Variants in EPHA6 observed in about 807,000 individuals in gnomAD.
The protein encoded by EPHA6 is EPH receptor A6, also known as ephrin type-A receptor 6.
EPHA6 carries 50 observed loss-of-function variants against 112.0 expected under a neutral mutation model. That is an observed-to-expected ratio of 0.45 (90% CI 0.36 to 0.56). EPHA6 has a LOEUF of 0.56. Among genes scored for constraint, EPHA6 ranks in the 20% least tolerant of loss-of-function variants. The probability of loss-of-function intolerance (pLI) is 0.00; values close to 1 mark genes in which losing one functional copy is unlikely to be tolerated. For synonymous variants in EPHA6, 529 were observed against 490.7 expected (o/e 1.08, Z -1.03); for missense variants, 1,280 against 1,417.4 (o/e 0.90, Z 1.56).
At chr3:97,641,838 T>C (rs1324730631) in intron 14 of EPHA6, among the ~76,000 whole-genome samples, 1 of 151,988 alleles carries the variant, frequency 6.6e-6, no homozygotes, top group Non-Finnish European at 1.5e-5. Flanking sequence ...GAGATCAAAC[T>C]GCAAGGCGGC....
At chr3:96,929,046 T>G (rs940928473) in intron 2 of EPHA6, among the ~76,000 whole-genome samples, 8 of 152,148 alleles carry the variant, frequency 5.3e-5, no homozygotes, top group African/African-American at 7.2e-5. Flanking sequence ...AGACAACATA[T>G]CAATGGGTCT....
chr3:97,269,237 CTCTGT>C (rs548336858), intron 5 of EPHA6, among the ~76,000 whole-genome samples: 25 of 152,196 alleles, frequency 1.6e-4, no homozygotes, highest in African/African-American at 6.0e-4. Context: ...CTGTTTCTTC[CTCTGT>C]TCTTTCACTT....
intron 11 of EPHA6, among the ~76,000 whole-genome samples, chr3:97,546,676 A>G (rs1577727925): frequency 6.6e-6 from 1 of 152,154 alleles, no homozygotes; most frequent in East Asian, 1.9e-4. Flanking sequence ...ACTTGGTTCC[A>G]TTCTCCCCAT....
At chr3:96,998,969 G>C (rs187432632) in intron 3 of EPHA6, among the ~76,000 whole-genome samples, 9 of 151,696 alleles carry the variant, frequency 5.9e-5, no homozygotes, top group Non-Finnish European at 1.0e-4. Context: ...AGTTTTAGTT[G>C]TTAACTTTTT....
intron 2 of EPHA6, among the ~76,000 whole-genome samples, chr3:96,984,928 A>G (rs147870709): frequency 1.1e-3 from 172 of 152,302 alleles, no homozygotes; most frequent in African/African-American, 3.8e-3. Context: ...GAGTGACCCA[A>G]TTTTCCAGAT....
intron 5 of EPHA6, among the ~76,000 whole-genome samples, chr3:97,261,741 C>T (rs1157105479): frequency 6.6e-6 from 1 of 152,086 alleles, no homozygotes; most frequent in Admixed American, 6.6e-5. Flanking sequence ...GGGATAAAGT[C>T]ACAAAGCACT....
intron 1 of EPHA6, among the ~76,000 whole-genome samples, chr3:96,834,679 C>T (rs2107292869): frequency 6.6e-6 from 1 of 151,946 alleles, no homozygotes; most frequent in South Asian, 2.1e-4. Context: ...AAAGTTTGGT[C>T]AGTAAGGTAC....
At chr3:96,834,261 G>T (rs1290967254) in intron 1 of EPHA6, among the ~76,000 whole-genome samples, 1 of 151,950 alleles carries the variant, frequency 6.6e-6, no homozygotes, top group Non-Finnish European at 1.5e-5. Context: ...AGAAAAATGT[G>T]ATTCTCAATG....
At chr3:97,176,443 T>A (rs763636374) in intron 3 of EPHA6, among the ~76,000 whole-genome samples, 16 of 152,038 alleles carry the variant, frequency 1.1e-4, no homozygotes, top group South Asian at 8.3e-4. Flanking sequence ...CCTCCTTCTC[T>A]GCTCTTCAGA....
chr3:96,980,360 G>A (rs535771051), intron 2 of EPHA6, among the ~76,000 whole-genome samples: 3 of 152,144 alleles, frequency 2.0e-5, no homozygotes, highest in African/African-American at 4.8e-5. Context: ...TCAGATGGTT[G>A]TAGATGTGTG....
intron 11 of EPHA6, among the ~76,000 whole-genome samples, chr3:97,568,079 T>C (rs2093290576): frequency 6.6e-6 from 1 of 152,166 alleles, no homozygotes; most frequent in South Asian, 2.1e-4. Context: ...GATTGGTTAG[T>C]TTACGTATCA....
intron 5 of EPHA6, among the ~76,000 whole-genome samples, chr3:97,394,365 G>A (rs2086585568): frequency 6.6e-6 from 1 of 151,714 alleles, no homozygotes; most frequent in African/African-American, 2.4e-5. Context: ...GTCTAGGAAA[G>A]GAATTTTTGG....
At chr3:97,635,913 A>G (rs1323415772) in intron 13 of EPHA6, among the ~76,000 whole-genome samples, 2 of 152,116 alleles carry the variant, frequency 1.3e-5, no homozygotes, top group African/African-American at 4.8e-5. Flanking sequence ...TTCTCATCAT[A>G]TATGTAGGAG....
At chr3:97,033,769 A>G (rs2044972166) in intron 3 of EPHA6, among the ~76,000 whole-genome samples, 2 of 151,966 alleles carry the variant, frequency 1.3e-5, no homozygotes, top group South Asian at 4.1e-4. Context: ...TAGACCATGT[A>G]TTTGATAAGA....
chr3:97,604,524 T>C (rs2093665853), intron 12 of EPHA6, among the ~76,000 whole-genome samples: 1 of 151,714 alleles, frequency 6.6e-6, no homozygotes, highest in Admixed American at 6.6e-5. Context: ...TTTTGTGACA[T>C]AGTGTGCAAA....
Position 97,571,373 on chromosome 3 carries a change from T to TAA in EPHA6, c.2387-21227_2387-21226dup, listed in dbSNP as rs74488218. Among the ~76,000 whole-genome samples, 10 of 142,540 alleles carry TAA rather than the reference T, an allele frequency of 7.0e-5. No individual in the cohort carries two copies. The East Asian group carries it at 2.0e-3, about 29-fold the overall frequency. The allele number at this position is 142,540 out of a possible 152,430, so 93.5% of individuals were successfully genotyped here. The stretch of plus-strand genomic sequence containing the variant: ...GAAGATTCAGGAGAAAAACCCTCCT[T>TAA]AAAAAAAAAAAAAGTTTTAAAGTTA... On this transcript the variant is annotated intron_variant, in intron 11 of 17. Transcript: ENST00000389672.
At chr3:97,493,154 ATGTG>A (rs1391693870) in intron 10 of EPHA6, among the ~76,000 whole-genome samples, 3 of 151,940 alleles carry the variant, frequency 2.0e-5, no homozygotes, top group African/African-American at 7.3e-5. Flanking sequence ...ATGGATCTGT[ATGTG>A]TGTGTGTATG....
intron 2 of EPHA6, among the ~76,000 whole-genome samples, chr3:96,889,581 A>G (rs977726187): frequency 6.6e-6 from 1 of 152,186 alleles, no homozygotes; most frequent in Non-Finnish European, 1.5e-5. Context: ...AACCACCTCA[A>G]TGATTCAATT....
At chr3:97,727,801 A>C (rs148052935) in intron 15 of EPHA6, among the ~76,000 whole-genome samples, 12 of 152,206 alleles carry the variant, frequency 7.9e-5, no homozygotes, top group African/African-American at 2.9e-4. Flanking sequence ...AATTAAATAC[A>C]TACTAATTAC....
Sources: gnomAD v4.1 joint callset for allele counts (sites outside exome capture counted in the v4.1 genomes callset) on GRCh38, gnomAD v4.1.1 for gene constraint, MANE v1.5 for transcripts, NCBI Gene and HGNC (gene_info 2026-07-23, HGNC 2026-07-21) for gene names.